Variants in PLXNA4 observed in about 807,000 individuals in gnomAD.
PLXNA4 encodes the protein plexin A4.
A neutral mutation model predicts 191.8 loss-of-function variants in PLXNA4; 44 were observed. The observed-to-expected ratio is 0.23, with a 90% CI of 0.18 to 0.29. PLXNA4 has a LOEUF of 0.29. PLXNA4 is among the 10% of genes least tolerant of loss of function. The probability of loss-of-function intolerance (pLI) is 1.00; values close to 1 mark genes in which losing one functional copy is unlikely to be tolerated. For missense variants in PLXNA4, 1,800 were observed against 2,488.8 expected (o/e 0.72, Z 5.89); for synonymous variants, 1,082 against 1,009.5 (o/e 1.07, Z -1.36).
At chr7:132,376,343 T>A (rs924369984) in intron 3 of PLXNA4, among the ~76,000 whole-genome samples, 8 of 152,264 alleles carry the variant, frequency 5.3e-5, no homozygotes, top group Non-Finnish European at 8.8e-5. Context: ...AATCCATGTC[T>A]CTGCTGCTGC....
chr7:132,213,206 T>TA (rs1797859391), intron 9 of PLXNA4, among the ~76,000 whole-genome samples: 1 of 152,102 alleles, frequency 6.6e-6, no homozygotes, highest in Non-Finnish European at 1.5e-5. Context: ...GTCAAATTCA[T>TA]AGAGACAGAA....
At chr7:132,627,978 T>G (rs1803415232) in intron 2 of PLXNA4, among the ~76,000 whole-genome samples, 1 of 152,202 alleles carries the variant, frequency 6.6e-6, no homozygotes, top group Non-Finnish European at 1.5e-5. Flanking sequence ...ACATTCCCGG[T>G]CTTCAATGCA....
chr7:132,226,651 G>T (rs180888961), intron 7 of PLXNA4, among the ~76,000 whole-genome samples: 4 of 152,348 alleles, frequency 2.6e-5, no homozygotes, highest in Admixed American at 2.6e-4. Context: ...GCATGTATGT[G>T]TGTGTATGCA....
At chr7:132,341,616 A>T (rs1803030956) in intron 3 of PLXNA4, among the ~76,000 whole-genome samples, 1 of 152,088 alleles carries the variant, frequency 6.6e-6, no homozygotes, top group African/African-American at 2.4e-5. Flanking sequence ...GCCTGGGCTG[A>T]TGTGGTCTCT....
intron 2 of PLXNA4, among the ~76,000 whole-genome samples, chr7:132,619,357 A>C (rs1803216279): frequency 6.6e-6 from 1 of 152,104 alleles, no homozygotes; most frequent in Admixed American, 6.5e-5. Flanking sequence ...GACCATGCAT[A>C]CCTGTCCAAA....
chr7:132,567,215 C>T (rs1020967154), intron 1 of PLXNA4, among the ~76,000 whole-genome samples: 6 of 152,172 alleles, frequency 3.9e-5, no homozygotes, highest in African/African-American at 1.4e-4. Flanking sequence ...GCAAAACTTA[C>T]TTGGTCACAG....
intron 10 of PLXNA4, among the ~76,000 whole-genome samples, chr7:132,205,399 G>A (rs1220379590): frequency 6.6e-6 from 1 of 152,196 alleles, no homozygotes; most frequent in African/African-American, 2.4e-5. Context: ...GTTAAAGTTA[G>A]AGAATCCCTG....
At chr7:132,337,292 G>A (rs1802855772) in intron 3 of PLXNA4, among the ~76,000 whole-genome samples, 1 of 152,232 alleles carries the variant, frequency 6.6e-6, no homozygotes, top group Non-Finnish European at 1.5e-5. Flanking sequence ...AAACTGGCAA[G>A]TCACATGCAC....
At chr7:132,447,775 T>A (rs899532180) in intron 3 of PLXNA4, among the ~76,000 whole-genome samples, 2 of 151,248 alleles carry the variant, frequency 1.3e-5, no homozygotes, top group Non-Finnish European at 2.9e-5. Context: ...ATCACTTGAG[T>A]ACAGAAGTTT....
chr7:132,516,553 T>C (rs1353702159), intron 1 of PLXNA4, among the ~76,000 whole-genome samples: 1 of 152,212 alleles, frequency 6.6e-6, no homozygotes, highest in African/African-American at 2.4e-5. Context: ...GAGATGCCAG[T>C]TGCTAGAAGT....
At chr7:132,518,927 T>C (rs1585263024) in intron 1 of PLXNA4, among the ~76,000 whole-genome samples, 2 of 121,848 alleles carry the variant, frequency 1.6e-5, no homozygotes, top group Admixed American at 1.6e-4. Context: ...AAGTCTGCCG[T>C]TCCCAGTAGA....
rs998270516 is a variant in PLXNA4, at chr7:132,365,533, G to A, written c.1372-67311C>T. On this transcript the variant is annotated intron_variant, in intron 3 of 31. Transcript: ENST00000321063. ...TACAGTTTCATTTCTGGAATGACTTGTGGTTCAATGGATCCATCATTCCGG... is the reference window on the plus strand; with the variant it reads ...TACAGTTTCATTTCTGGAATGACTTATGGTTCAATGGATCCATCATTCCGG... Among the ~76,000 whole-genome samples, 3 of 152,222 alleles carry A rather than the reference G, an allele frequency of 2.0e-5. No individual in the cohort carries two copies. In the East Asian group the frequency reaches 5.8e-4, roughly 30 times the overall value.
intron 2 of PLXNA4, among the ~76,000 whole-genome samples, chr7:132,586,302 G>A (rs1802503606): frequency 6.6e-6 from 1 of 152,208 alleles, no homozygotes. Flanking sequence ...CATATTAAAT[G>A]TAAGTATTTG....
At chr7:132,464,824 GAC>G (rs1353123962) in intron 3 of PLXNA4, among the ~76,000 whole-genome samples, 1 of 152,198 alleles carries the variant, frequency 6.6e-6, no homozygotes, top group Non-Finnish European at 1.5e-5. Flanking sequence ...ACCCTTCAAG[GAC>G]CAGCACCTGT....
chr7:132,185,561 G>T, intron 15 of PLXNA4, 98 bp from the exon 16 acceptor site: 3 of 1,483,292 alleles, frequency 2.0e-6, no homozygotes, highest in Non-Finnish European at 9.0e-7. Context: ...ATGTCAGGAT[G>T]CTCAGAGGCC....
rs530229505 is a variant in PLXNA4 at position 132,318,195 on chromosome 7, G to C, written c.1372-19973C>G. ...TAGCATCTCAGGGCCCTGGTTGCAG[G>C]GGGAGGGAGTTGGAGCCCTTCCTAG... is the stretch of plus-strand genomic sequence containing the variant. On this transcript the variant is annotated intron_variant, in intron 3 of 31. Transcript: ENST00000321063. Among the ~76,000 whole-genome samples the C allele has an allele frequency of 3.3e-5, 5 of 152,276 alleles. No homozygotes were observed. The East Asian group carries it at 7.7e-4, about 24-fold the overall frequency.
At chr7:132,165,040 A>G in intron 23 of PLXNA4, 94 bp downstream of exon 23, 1 of 1,514,920 alleles carries the variant, frequency 6.6e-7, no homozygotes, top group Non-Finnish European at 8.9e-7. Flanking sequence ...AGCCAGGCCC[A>G]GTAAGGGAGG....
chr7:132,312,991 G>A (rs752064643), intron 3 of PLXNA4, among the ~76,000 whole-genome samples: 4 of 152,228 alleles, frequency 2.6e-5, no homozygotes, highest in African/African-American at 4.8e-5. Flanking sequence ...CCTGTGAGTC[G>A]CTGCACTGAG....
chr7:132,275,663 C>T lies in PLXNA4; in HGVS notation c.1503+22428G>A, dbSNP rs181283825. Among the ~76,000 whole-genome samples, 5 of 152,254 alleles carry T rather than the reference C, an allele frequency of 3.3e-5. No individual in the cohort carries two copies. In the East Asian group the frequency reaches 7.7e-4, roughly 24 times the overall value. ...AGAAACAAAGGGGCAAGGGACCTCT[C>T]CTTTTGCATGCCTCCCTGATTGCTG... On this transcript the variant is annotated intron_variant, in intron 4 of 31. Transcript: ENST00000321063.
Sources: gnomAD v4.1 joint callset for allele counts (sites outside exome capture counted in the v4.1 genomes callset) on GRCh38, gnomAD v4.1.1 for gene constraint, MANE v1.5 for transcripts, NCBI Gene and HGNC (gene_info 2026-07-23, HGNC 2026-07-21) for gene names.